CHMP6: variants seen among roughly 807,000 people sequenced by gnomAD.
CHMP6 encodes the protein chromatin-modifying protein 6.
CHMP6 carries 10 observed loss-of-function variants against 32.8 expected under a neutral mutation model. The ratio of observed to expected loss-of-function variants is 0.30; its 90% CI spans 0.19 to 0.52. CHMP6 has a LOEUF of 0.52. CHMP6 is among the 20% of genes least tolerant of loss of function. The pLI is 0.97. For missense variants in CHMP6, 269 were observed against 263.8 expected, an observed-to-expected ratio of 1.02 and a Z score of -0.14; for synonymous variants, 123 against 105.8, an observed-to-expected ratio of 1.16 and a Z score of -1.00.
At chr17:80,998,620 C>G (rs58642634) in intron 7 of CHMP6, 200 bp downstream of exon 7, 6 of 1,443,590 alleles carry the variant, frequency 4.2e-6, no homozygotes, top group Non-Finnish European at 5.4e-6. Context: ...TGGGCAACCT[C>G]ATAAGAGAGC....
At position 80,995,733 on chromosome 17, in the gene CHMP6, A is replaced by T. The variant is rs899231371; in HGVS notation, c.323A>T (p.Asn108Ile). 6.2e-7 allele frequency: 1 copy of T among 1,614,066 alleles called. No individual in the cohort carries two copies. Among genetic ancestry groups the T allele is most frequent in the Non-Finnish European group, 8.5e-7 (1 of 1,179,954 alleles). Residue 108 changes from asparagine (N) to isoleucine (I), a missense_variant, in exon 4 of 8, where the codon AAT becomes ATT. By Grantham distance (149) the Asn-to-Ile change is moderately radical. Transcript: ENST00000325167. The stretch of plus-strand genomic sequence containing the variant: ...GTGATGGAGGGGCTGCAGTTTGGAA[A>T]TGAGTGTCTGAACAAGATGCACCAG... ...MKVMEGLQFG[N>I]ECLNKMHQVM...
At chr17:80,998,443 T>G in intron 7 of CHMP6, 23 bp downstream of exon 7, 5 of 1,614,122 alleles carry the variant, frequency 3.1e-6, no homozygotes, top group Non-Finnish European at 4.2e-6. Context: ...TTGATTCTTT[T>G]GAATGGTTGG....
chr17:80,991,934 G>C lies in CHMP6; in HGVS notation c.16G>C (p.Gly6Arg). The C allele has an allele frequency of 6.8e-7, 1 of 1,469,328 alleles. No homozygotes were observed. The highest frequency in any genetic ancestry group is 9.1e-7 in the Non-Finnish European group (1 of 1,104,798). 91.0% of individuals were successfully genotyped at this position (1,469,328 alleles called of 1,614,324 possible). A position where few individuals can be genotyped will look rare whatever the true frequency, so the allele number is the denominator to read the frequency against. Residue 6 changes from glycine (G) to arginine (R), a missense_variant, in exon 1 of 8, where the codon GGC (glycine) becomes CGC (arginine). By Grantham distance (125) the Gly-to-Arg change is moderately radical. Coordinates refer to ENST00000325167, the MANE Select transcript of CHMP6 (RefSeq NM_024591.5). MGNLF[G>R]RKKQSRVTEQ... is the part of the protein sequence containing the mutation. The stretch of plus-strand genomic sequence containing the variant: ...GGGCGCCGCCATGGGTAACCTGTTC[G>C]GCCGCAAGAAGCAGAGCCGCGTCAC...
chr17:80,997,042 C>G lies in CHMP6; in HGVS notation c.384C>G (p.Asp128Glu), dbSNP rs369414852. 4 of 1,613,790 alleles carry G rather than the reference C, an allele frequency of 2.5e-6. No homozygotes were observed. The highest frequency in any genetic ancestry group is 1.7e-4 in the Middle Eastern group (1 of 5,992). ...MSIEEVERILDETQEAVEYQR... is the reference protein window; with the variant it reads ...MSIEEVERILEETQEAVEYQR... ...TTGAAGAGGTGGAGAGGATCCTGGA[C>G]GAGACGCAGGAGGCCGTGGAGTACC... Residue 128 changes from aspartate (D) to glutamate (E), a missense_variant, in exon 5 of 8, where the codon GAC becomes GAG. Transcript: ENST00000325167.
At position 80,994,569 on chromosome 17, in the gene CHMP6, C is replaced by G. The variant is rs1217901473; in HGVS notation, c.64-12C>G. On this transcript the variant is annotated splice_polypyrimidine_tract_variant and intron_variant, in intron 1 of 7. Coordinates refer to ENST00000325167, the MANE Select transcript of CHMP6 (RefSeq NM_024591.5). Reference sequence around the variant, plus strand: ...TGGGCTCGGTGACGCCAGGCCCTCTCTCTCTTGGCAGCAACTGAAGCAGCA... The same window carrying G: ...TGGGCTCGGTGACGCCAGGCCCTCTGTCTCTTGGCAGCAACTGAAGCAGCA... The G allele has an allele frequency of 1.3e-6, 2 of 1,556,830 alleles. No homozygotes were observed. The highest frequency in any genetic ancestry group is 1.4e-5 in the African/African-American group (1 of 72,936).
chr17:80,999,282 C>A lies in CHMP6; in HGVS notation c.*129C>A. On this transcript the variant is annotated 3_prime_UTR_variant, in exon 8 of 8. Coordinates refer to ENST00000325167, the MANE Select transcript of CHMP6 (RefSeq NM_024591.5). Reference sequence around the variant, plus strand: ...CGCACGGTGCTGAGCAGAGCTGCAGCCACGCAGGCGCATTGCAGGAGGACT... The same window carrying A: ...CGCACGGTGCTGAGCAGAGCTGCAGACACGCAGGCGCATTGCAGGAGGACT... The A allele has an allele frequency of 9.6e-7, 1 of 1,040,460 alleles. No individual in the cohort carries two copies. Among genetic ancestry groups the A allele is most frequent in the South Asian group, 1.4e-5 (1 of 71,456 alleles). The allele number at this position is 1,040,460 out of a possible 1,614,324, so 64.5% of individuals were successfully genotyped here.
At chr17:80,998,566 C>T (rs2069659257) in intron 7 of CHMP6, 146 bp downstream of exon 7, 1 of 1,525,658 alleles carries the variant, frequency 6.6e-7, no homozygotes, top group South Asian at 1.3e-5. Context: ...GGCGTGCGTG[C>T]CTGGCCTTGG....
Position 80,991,928 on chromosome 17 carries a change from C to A in CHMP6, c.10C>A (p.Leu4Met). 1 of 1,468,610 alleles carries A rather than the reference C, an allele frequency of 6.8e-7. No homozygotes were observed. 91.0% of individuals were successfully genotyped at this position (1,468,610 alleles called of 1,614,324 possible). A position where few individuals can be genotyped will look rare whatever the true frequency, so the allele number is the denominator to read the frequency against. The change falls in exon 1 of 8, where the codon CTG becomes ATG. Residue 4 changes from leucine to methionine, a missense_variant. Leu to Met is a conservative substitution (Grantham distance 15). Coordinates refer to ENST00000325167, the MANE Select transcript of CHMP6 (RefSeq NM_024591.5). MGN[L>M]FGRKKQSRVT... Reference sequence around the variant, plus strand: ...AGGGGCGGGCGCCGCCATGGGTAACCTGTTCGGCCGCAAGAAGCAGAGCCG... The same window carrying A: ...AGGGGCGGGCGCCGCCATGGGTAACATGTTCGGCCGCAAGAAGCAGAGCCG...
At chr17:80,998,251 C>T in intron 6 of CHMP6, 115 bp from the exon 7 acceptor site, 2 of 1,262,818 alleles carry the variant, frequency 1.6e-6, no homozygotes, top group South Asian at 1.3e-5. Context: ...TTCCTGTCCG[C>T]TTTAACTCCG....
Position 80,998,290 on chromosome 17 carries a change from T to C in CHMP6, c.496-76T>C. ...GAGAGCGGCTGACGGACAGGATCCG[T>C]GTCCTCTCGGGGAGGCCCAGGCAGC... On this transcript the variant is annotated intron_variant, in intron 6 of 7. Transcript: ENST00000325167. 2.0e-6 allele frequency: 3 copies of C among 1,526,626 alleles called. No individual in the cohort carries two copies. In the South Asian group the frequency reaches 3.4e-5, roughly 17 times the overall value. 94.6% of individuals were successfully genotyped at this position (1,526,626 alleles called of 1,614,324 possible).
intron 1 of CHMP6, among the ~76,000 whole-genome samples, chr17:80,992,584 G>C (rs1299302241): frequency 1.3e-5 from 2 of 152,208 alleles, no homozygotes; most frequent in African/African-American, 4.8e-5. Context: ...GTCCTGCCGG[G>C]GTCCTGCCGG....
chr17:80,992,453 C>T (rs1034327237), intron 1 of CHMP6, among the ~76,000 whole-genome samples: 3 of 152,364 alleles, frequency 2.0e-5, no homozygotes, highest in Non-Finnish European at 2.9e-5. Flanking sequence ...CCCGGCGGTG[C>T]TGCCGGCTTC....
Position 80,994,569 on chromosome 17 carries a change from C to T in CHMP6, c.64-12C>T, listed in dbSNP as rs1217901473. 13 of 1,556,832 alleles carry T rather than the reference C, an allele frequency of 8.4e-6. No individual in the cohort carries two copies. Among genetic ancestry groups the T allele is most frequent in the East Asian group, 2.4e-5 (1 of 42,204 alleles). On this transcript the variant is annotated splice_polypyrimidine_tract_variant and intron_variant, in intron 1 of 7. Transcript: ENST00000325167. Reference sequence around the variant, plus strand: ...TGGGCTCGGTGACGCCAGGCCCTCTCTCTCTTGGCAGCAACTGAAGCAGCA... The same window carrying T: ...TGGGCTCGGTGACGCCAGGCCCTCTTTCTCTTGGCAGCAACTGAAGCAGCA...
intron 1 of CHMP6, among the ~76,000 whole-genome samples, chr17:80,993,335 T>C (rs890066090): frequency 3.3e-5 from 5 of 152,110 alleles, no homozygotes; most frequent in Non-Finnish European, 7.4e-5. Context: ...CACTGAGACC[T>C]TGTTTTACAG....
chr17:80,994,156 C>T (rs1276522978), intron 1 of CHMP6, among the ~76,000 whole-genome samples: 2 of 152,188 alleles, frequency 1.3e-5, no homozygotes, highest in African/African-American at 2.4e-5. Context: ...CCTCGTGCTC[C>T]GCCCGCCTCG....
chr17:80,998,540 G>A (rs768665616), intron 7 of CHMP6, 120 bp downstream of exon 7: 6 of 1,578,706 alleles, frequency 3.8e-6, no homozygotes, highest in Non-Finnish European at 5.2e-6. Context: ...CCTGCTGCCT[G>A]GCTGTTTGGC....
chr17:80,991,994 GC>G lies in CHMP6; in HGVS notation c.63+16del. 7.1e-7 allele frequency: 1 copy of G among 1,415,352 alleles called. No individual in the cohort carries two copies. Among genetic ancestry groups the G allele is most frequent in the Non-Finnish European group, 9.3e-7 (1 of 1,072,600 alleles). 87.7% of individuals were successfully genotyped at this position (1,415,352 alleles called of 1,614,324 possible). On this transcript the variant is annotated intron_variant, in intron 1 of 7. Transcript: ENST00000325167. ...CAAGGCCATCCTGGTGAGGGCCCGG[GC>G]CCGGGGTCAGGGCTGGGGCCGGGAC...
intron 7 of CHMP6, among the ~76,000 whole-genome samples, chr17:80,998,870 C>T (rs1035866699): frequency 3.2e-4 from 49 of 152,200 alleles, no homozygotes; most frequent in Non-Finnish European, 6.2e-4. Flanking sequence ...CTCTGAGTCC[C>T]GCTGGGAGGG....
chr17:80,992,437 C>G (rs1013969825), intron 1 of CHMP6, among the ~76,000 whole-genome samples: 8 of 152,226 alleles, frequency 5.3e-5, no homozygotes, highest in East Asian at 1.9e-4. Context: ...TGCCCTGGGC[C>G]GGAGCCCCGG....
Sources: allele counts gnomAD v4.1 joint callset (sites outside exome capture counted in the v4.1 genomes callset), GRCh38; gene constraint gnomAD v4.1.1; transcripts MANE v1.5; gene names NCBI Gene and HGNC (gene_info 2026-07-23, HGNC 2026-07-21).